FAM13A: variants seen among roughly 807,000 people sequenced by gnomAD.
FAM13A encodes protein FAM13A.
Under a neutral mutation model 129.6 loss-of-function variants are expected in FAM13A, and 76 were observed. The observed-to-expected ratio is 0.59, with a 90% CI of 0.49 to 0.71. The LOEUF (loss-of-function observed/expected upper bound fraction) is 0.71, where lower values mean the gene tolerates loss of function less well. Ranked by LOEUF, FAM13A falls within the 30% of genes least tolerant of loss-of-function variation. The pLI is 0.00. For missense variants in FAM13A, 1,108 were observed against 1,249.3 expected, an observed-to-expected ratio of 0.89 and a Z score of 1.70; for synonymous variants, 443 against 449.9, an observed-to-expected ratio of 0.98 and a Z score of 0.20.
chr4:88,739,935 G>A (rs994321731), intron 19 of FAM13A, among the ~76,000 whole-genome samples: 2 of 152,046 alleles, frequency 1.3e-5, no homozygotes, highest in African/African-American at 2.4e-5. Flanking sequence ...ATTCATCTGT[G>A]TATCCCTAAA....
At chr4:88,878,712 G>T (rs1186944150) in intron 6 of FAM13A, among the ~76,000 whole-genome samples, 1 of 152,168 alleles carries the variant, frequency 6.6e-6, no homozygotes, top group Non-Finnish European at 1.5e-5. Flanking sequence ...ATTGCCTTAA[G>T]AATCTTCTCT....
chr4:88,881,109 C>T (rs1335938207), intron 6 of FAM13A, among the ~76,000 whole-genome samples: 1 of 152,192 alleles, frequency 6.6e-6, no homozygotes, highest in African/African-American at 2.4e-5. Context: ...GCCTAATCCT[C>T]CCTATACTGC....
chr4:88,864,310 AACT>A (rs1464603856), intron 6 of FAM13A, among the ~76,000 whole-genome samples: 1 of 152,232 alleles, frequency 6.6e-6, no homozygotes, highest in Non-Finnish European at 1.5e-5. Flanking sequence ...ATGTTGGTGG[AACT>A]TCAAATAAAT....
At chr4:88,827,791 T>C (rs1012530738) in intron 7 of FAM13A, among the ~76,000 whole-genome samples, 4 of 152,216 alleles carry the variant, frequency 2.6e-5, no homozygotes, top group Admixed American at 6.5e-5. Flanking sequence ...CACATTCCAC[T>C]ATTAGTCAAC....
intron 19 of FAM13A, among the ~76,000 whole-genome samples, chr4:88,745,026 CAGA>C (rs1389423615): frequency 2.2e-4 from 34 of 152,232 alleles, no homozygotes; most frequent in Middle Eastern, 3.4e-3. Flanking sequence ...ATCATTTAAT[CAGA>C]AGGAGGCCAC....
At chr4:89,013,262 A>G (rs965140443) in intron 3 of FAM13A, among the ~76,000 whole-genome samples, 1 of 149,116 alleles carries the variant, frequency 6.7e-6, no homozygotes. Flanking sequence ...TTATAGAGAC[A>G]ATAAAATATA....
At chr4:88,736,153 T>C (rs566684759) in intron 21 of FAM13A, among the ~76,000 whole-genome samples, 20 of 152,202 alleles carry the variant, frequency 1.3e-4, no homozygotes, top group African/African-American at 4.3e-4. Flanking sequence ...TGTAAGAAAA[T>C]AGCTCTAATT....
intron 2 of FAM13A, among the ~76,000 whole-genome samples, chr4:89,022,422 A>C (rs1430614881): frequency 6.6e-6 from 1 of 152,208 alleles, no homozygotes; most frequent in Non-Finnish European, 1.5e-5. Flanking sequence ...GCTGTGAAGA[A>C]AATCAATATC....
chr4:88,802,410 G>A (rs375979753), intron 8 of FAM13A, among the ~76,000 whole-genome samples: 4 of 151,614 alleles, frequency 2.6e-5, no homozygotes, highest in South Asian at 4.1e-4. Flanking sequence ...AAATGGCTCT[G>A]TGGTGAGTTA....
At chr4:88,829,445 T>C (rs943606092) in intron 7 of FAM13A, among the ~76,000 whole-genome samples, 13 of 152,146 alleles carry the variant, frequency 8.5e-5, no homozygotes, top group African/African-American at 3.1e-4. Flanking sequence ...GCAAGAGTTC[T>C]TCCTCATATT....
intron 14 of FAM13A, among the ~76,000 whole-genome samples, chr4:88,751,695 T>C (rs1205895377): frequency 6.6e-6 from 1 of 152,102 alleles, no homozygotes; most frequent in African/African-American, 2.4e-5. Context: ...TTCTATTTAC[T>C]GCAAGACTTA....
chr4:88,863,987 G>C (rs1739956547), intron 6 of FAM13A, among the ~76,000 whole-genome samples: 2 of 152,128 alleles, frequency 1.3e-5, no homozygotes, highest in Non-Finnish European at 2.9e-5. Flanking sequence ...TAATCAAACA[G>C]GGTTGTCTTT....
intron 6 of FAM13A, among the ~76,000 whole-genome samples, chr4:88,883,160 T>C (rs903127038): frequency 5.3e-5 from 8 of 152,032 alleles, no homozygotes; most frequent in Non-Finnish European, 8.8e-5. Flanking sequence ...TTAAAACAAA[T>C]AGACTTAAAA....
chr4:89,004,951 G>T (rs1224364495), intron 3 of FAM13A, among the ~76,000 whole-genome samples: 1 of 150,036 alleles, frequency 6.7e-6, no homozygotes, highest in African/African-American at 2.4e-5. Context: ...TACATGTGAA[G>T]GTTTGTTACA....
At chr4:88,757,231 A>G (rs1352274564) in intron 14 of FAM13A, among the ~76,000 whole-genome samples, 1 of 152,202 alleles carries the variant, frequency 6.6e-6, no homozygotes, top group East Asian at 1.9e-4. Context: ...GAGATGATAA[A>G]TTTATGACTA....
chr4:88,808,228 C>T (rs1356357694), intron 7 of FAM13A, among the ~76,000 whole-genome samples: 1 of 152,056 alleles, frequency 6.6e-6, no homozygotes, highest in East Asian at 1.9e-4. Context: ...ATTAAGCCAA[C>T]TAATTTTAGA....
chr4:88,768,974 A>C (rs1038489420), intron 11 of FAM13A, among the ~76,000 whole-genome samples: 1 of 152,350 alleles, frequency 6.6e-6, no homozygotes, highest in Admixed American at 6.5e-5. Flanking sequence ...CAGCAAACTC[A>C]AAAACATAGC....
At chr4:89,017,898 GT>G (rs1560817377) in intron 3 of FAM13A, among the ~76,000 whole-genome samples, 1 of 152,014 alleles carries the variant, frequency 6.6e-6, no homozygotes, top group Non-Finnish European at 1.5e-5. Flanking sequence ...TAAAAGCACC[GT>G]TGACAACCAG....
In FAM13A at chr4:88,739,838, T is replaced by C. The variant is rs548425454; in HGVS notation, c.2467-713A>G. On this transcript the variant is annotated intron_variant, in intron 19 of 23. Transcript: ENST00000264344. ...ATCATGTAGTTCATTTACTTGTCTT[T>C]CTCCTCTATGAAATTATGTTTCTAA... Among the ~76,000 whole-genome samples the C allele has an allele frequency of 2.2e-4, 33 of 151,762 alleles. 1 individual carries two copies. The highest frequency in any genetic ancestry group is 7.7e-4 in the African/African-American group (32 of 41,380).
Sources: allele counts gnomAD v4.1 joint callset (sites outside exome capture counted in the v4.1 genomes callset), GRCh38; gene constraint gnomAD v4.1.1; transcripts MANE v1.5; gene names NCBI Gene and HGNC (gene_info 2026-07-23, HGNC 2026-07-21).